The following ANKRD18A variants were observed in gnomAD, a reference collection of about 807,000 sequenced individuals.
ANKRD18A encodes ankyrin repeat domain 18A, also known as ankyrin repeat domain-containing protein 18A.
In ANKRD18A, 72 loss-of-function variants were observed where a neutral mutation model predicts 110.6. The observed-to-expected ratio is 0.65, with a 90% CI of 0.54 to 0.79. The LOEUF (loss-of-function observed/expected upper bound fraction) is 0.79, where lower values mean the gene tolerates loss of function less well. ANKRD18A is among the 30% of genes least tolerant of loss of function. The probability of loss-of-function intolerance (pLI) is 0.00; values close to 1 mark genes in which losing one functional copy is unlikely to be tolerated. For synonymous variants in ANKRD18A, 305 were observed against 410.3 expected (o/e 0.74, Z 3.10); for missense variants, 934 against 1,163.3 (o/e 0.80, Z 2.87).
intron 8 of ANKRD18A, 146 bp downstream of exon 8, chr9:38,600,985 A>G: frequency 1.3e-6 from 1 of 743,448 alleles, no homozygotes; most frequent in Non-Finnish European, 2.1e-6. Context: ...ACAGGCTAAA[A>G]TATTTTAAAA....
chr9:38,597,157 C>T (rs543325002), intron 8 of ANKRD18A, among the ~76,000 whole-genome samples: 14 of 152,244 alleles, frequency 9.2e-5, no homozygotes, highest in East Asian at 3.9e-4. Flanking sequence ...TGTCTTCTGC[C>T]TTTGTCACCT....
chr9:38,577,046 G>C lies in ANKRD18A; in HGVS notation c.2741+7C>G. 1 of 1,543,328 alleles carries C rather than the reference G, an allele frequency of 6.5e-7. No individual in the cohort carries two copies. The highest frequency in any genetic ancestry group is 1.2e-5 in the South Asian group (1 of 81,978). On this transcript the variant is annotated splice_region_variant and intron_variant, in intron 14 of 15. Coordinates refer to ENST00000399703, the MANE Select transcript of ANKRD18A (RefSeq NM_147195.4). ...TTCATTTTCTATGAGTGTATGTTTTGACTTACTTCATTAATTTTTTTGACA... is the reference window on the plus strand; with the variant it reads ...TTCATTTTCTATGAGTGTATGTTTTCACTTACTTCATTAATTTTTTTGACA...
downstream of ANKRD18A, among the ~76,000 whole-genome samples, chr9:38,569,968 C>T (rs2118595416): frequency 6.6e-6 from 1 of 152,304 alleles, no homozygotes; most frequent in Non-Finnish European, 1.5e-5. Flanking sequence ...GTTCTCTTTC[C>T]AGCCACCCTC....
intron 12 of ANKRD18A, among the ~76,000 whole-genome samples, chr9:38,580,770 G>A (rs2118679665): frequency 6.6e-6 from 1 of 150,510 alleles, no homozygotes; most frequent in Admixed American, 6.6e-5. Context: ...TAAAAGAATA[G>A]AATATGGGCC....
intron 4 of ANKRD18A, among the ~76,000 whole-genome samples, chr9:38,610,857 T>TATAATAATAATAATAATAATA (rs55823641): frequency 2.4e-4 from 32 of 133,788 alleles, no homozygotes; most frequent in Middle Eastern, 3.7e-3. Context: ...CAGCAACAAC[T>TATAATAATAATAATAATAATA]ATAATAATAA....
At chr9:38,619,584 T>A (rs548600587) in intron 1 of ANKRD18A, among the ~76,000 whole-genome samples, 1 of 152,340 alleles carries the variant, frequency 6.6e-6, no homozygotes, top group Admixed American at 6.5e-5. Flanking sequence ...AACCTTGATA[T>A]CTTCATTCAG....
At position 38,582,951 on chromosome 9, in the gene ANKRD18A, GA is replaced by G. The variant is rs1824225197; in HGVS notation, c.2247+3231del. Among the ~76,000 whole-genome samples, 3 of 152,190 alleles carry G rather than the reference GA, an allele frequency of 2.0e-5. No individual in the cohort carries two copies. In the South Asian group the frequency reaches 6.2e-4, roughly 32 times the overall value. ...GACTTACATATATAGGATATATAAA[GA>G]ACCCTTGCCATTCATAAATAACAAG... On this transcript the variant is annotated intron_variant, in intron 12 of 15. Transcript: ENST00000399703.
chr9:38,569,434 C>T (rs948361082), downstream of ANKRD18A: 1 of 985,102 alleles, frequency 1.0e-6, no homozygotes, highest in Admixed American at 6.2e-5. Flanking sequence ...TTGAGATGTG[C>T]CTTTCACCTA....
At chr9:38,607,792 A>G (rs1825426732) in intron 5 of ANKRD18A, among the ~76,000 whole-genome samples, 1 of 152,222 alleles carries the variant, frequency 6.6e-6, no homozygotes. Context: ...ACCAATAGGT[A>G]TTTTGTTTTC....
chr9:38,601,738 C>G (rs1033021617), intron 7 of ANKRD18A, among the ~76,000 whole-genome samples: 1 of 152,050 alleles, frequency 6.6e-6, no homozygotes, highest in African/African-American at 2.4e-5. Context: ...CACCTGTAAT[C>G]CCAGCACTTT....
At position 38,596,030 on chromosome 9, in the gene ANKRD18A, A is replaced by C. The variant is rs1481865636; in HGVS notation, c.1310T>G (p.Val437Gly). ...ATAINEYNEIVERKDLELVLW... is the reference protein window; with the variant it reads ...ATAINEYNEIGERKDLELVLW... ...AACTAGTTCTAGGTCTTTTCTTTCCACAATTTCATTGTACTCATTTATAGC... is the reference window on the plus strand; with the variant it reads ...AACTAGTTCTAGGTCTTTTCTTTCCCCAATTTCATTGTACTCATTTATAGC... The change falls in exon 9 of 16, where the codon GTG (valine) becomes GGG (glycine). Residue 437 changes from valine (V) to glycine (G), a missense_variant. By Grantham distance (109) the Val-to-Gly change is moderately radical (BLOSUM62 -3). Coordinates refer to ENST00000399703, the MANE Select transcript of ANKRD18A (RefSeq NM_147195.4). 6.5e-7 allele frequency: 1 copy of C among 1,550,042 alleles called. No homozygotes were observed. Among genetic ancestry groups the C allele is most frequent in the Non-Finnish European group, 8.7e-7 (1 of 1,146,368 alleles).
chr9:38,605,591 T>C (rs1286846522), intron 6 of ANKRD18A, among the ~76,000 whole-genome samples: 1 of 152,214 alleles, frequency 6.6e-6, no homozygotes. Flanking sequence ...ACATTTATTA[T>C]GATTATCTCT....
intron 1 of ANKRD18A, 86 bp from the exon 2 acceptor site, chr9:38,616,130 C>T (rs1306916559): frequency 9.5e-7 from 1 of 1,053,900 alleles, no homozygotes; most frequent in Non-Finnish European, 1.3e-6. Flanking sequence ...CATTGAATGG[C>T]ATTATTCCTC....
intron 3 of ANKRD18A, 108 bp downstream of exon 3, chr9:38,615,486 C>T: frequency 1.4e-6 from 2 of 1,387,994 alleles, no homozygotes; most frequent in Admixed American, 6.2e-5. Flanking sequence ...ACAATTATTT[C>T]AAGACATTTT....
chr9:38,600,219 T>A (rs1451884615), intron 8 of ANKRD18A, among the ~76,000 whole-genome samples: 1 of 152,190 alleles, frequency 6.6e-6, no homozygotes, highest in Non-Finnish European at 1.5e-5. Flanking sequence ...CTGACAGAAA[T>A]AGGTTCACAG....
At chr9:38,617,704 T>C (rs1825916719) in intron 1 of ANKRD18A, among the ~76,000 whole-genome samples, 1 of 152,226 alleles carries the variant, frequency 6.6e-6, no homozygotes, top group African/African-American at 2.4e-5. Flanking sequence ...TAAGTTCTAC[T>C]ATTCCTATTT....
At chr9:38,571,280 T>C (rs1823632501), downstream of ANKRD18A, 1 of 1,380,290 alleles carries the variant, frequency 7.2e-7, no homozygotes, top group African/African-American at 1.5e-5. Flanking sequence ...ATGGGGACAA[T>C]TCAAAAAGAC....
At chr9:38,580,051 G>A (rs1321831596) in intron 12 of ANKRD18A, among the ~76,000 whole-genome samples, 1 of 152,176 alleles carries the variant, frequency 6.6e-6, no homozygotes, top group African/African-American at 2.4e-5. Context: ...AGGATATTAT[G>A]TTAAGTGCAG....
At chr9:38,611,117 T>C (rs1825601003) in intron 4 of ANKRD18A, 98 bp downstream of exon 4, 2 of 1,448,350 alleles carry the variant, frequency 1.4e-6, no homozygotes, top group South Asian at 3.1e-5. Context: ...TAATTATAAG[T>C]TTAATCTTAT....
Sources: gnomAD v4.1 joint callset for allele counts (sites outside exome capture counted in the v4.1 genomes callset) on GRCh38, gnomAD v4.1.1 for gene constraint, MANE v1.5 for transcripts, NCBI Gene and HGNC (gene_info 2026-07-23, HGNC 2026-07-21) for gene names.